ZC3H18: variants seen among roughly 807,000 people sequenced by gnomAD.
ZC3H18 encodes zinc finger CCCH domain-containing protein 18.
A neutral mutation model predicts 106.1 loss-of-function variants in ZC3H18; 8 were observed. The ratio of observed to expected loss-of-function variants is 0.08; its 90% CI spans 0.04 to 0.14. The LOEUF is 0.14. Ranked by LOEUF, ZC3H18 falls within the 10% of genes least tolerant of loss-of-function variation. ZC3H18 has a pLI of 1.00. For synonymous variants in ZC3H18, 635 were observed against 522.1 expected (o/e 1.22, Z -2.95); for missense variants, 1,318 against 1,278.4 (o/e 1.03, Z -0.47).
At position 88,630,646 on chromosome 16, in the gene ZC3H18, G is replaced by A. The variant is rs1906607168; in HGVS notation, c.2663+65G>A. The stretch of plus-strand genomic sequence containing the variant: ...GGCCAGCCCCAGTCGCTTCCCCAGG[G>A]AGGCCAGCAGCAGCAGGGCTAGCAC... On this transcript the variant is annotated intron_variant, in intron 17 of 17. Coordinates refer to ENST00000301011, the MANE Select transcript of ZC3H18 (RefSeq NM_144604.4). 17 of 1,419,104 alleles carry A rather than the reference G, an allele frequency of 1.2e-5. No homozygotes were observed. The South Asian group carries it at 2.1e-4, about 17-fold the overall frequency. 87.9% of individuals were successfully genotyped at this position (1,419,104 alleles called of 1,614,324 possible).
chr16:88,610,749 G>A (rs764573658), intron 7 of ZC3H18, among the ~76,000 whole-genome samples: 1 of 152,256 alleles, frequency 6.6e-6, no homozygotes, highest in Non-Finnish European at 1.5e-5. Flanking sequence ...TCTTTTGGGT[G>A]CCTGCTCTGC....
intron 2 of ZC3H18, 52 bp downstream of exon 2, chr16:88,577,778 A>G (rs573273523): frequency 1.2e-4 from 196 of 1,611,194 alleles, no homozygotes; most frequent in Middle Eastern, 8.8e-4. Context: ...GCAGCCTGAC[A>G]TAGACTGGTG....
At chr16:88,602,613 TGTAA>T (rs1904805327) in intron 6 of ZC3H18, among the ~76,000 whole-genome samples, 1 of 152,238 alleles carries the variant, frequency 6.6e-6, no homozygotes, top group Non-Finnish European at 1.5e-5. Context: ...AACCATTGAT[TGTAA>T]GTAATTCCAG....
At chr16:88,589,664 C>T (rs996198189) in intron 3 of ZC3H18, among the ~76,000 whole-genome samples, 4 of 151,710 alleles carry the variant, frequency 2.6e-5, no homozygotes, top group African/African-American at 9.7e-5. Flanking sequence ...GGCCACAGAT[C>T]CACAGAGACA....
intron 3 of ZC3H18, 47 bp downstream of exon 3, chr16:88,586,731 CCTT>C: frequency 6.6e-7 from 1 of 1,506,470 alleles, no homozygotes; most frequent in South Asian, 1.1e-5. Flanking sequence ...TGGGGCCCCA[CCTT>C]CTGGGGCTGT....
intron 3 of ZC3H18, among the ~76,000 whole-genome samples, chr16:88,587,028 G>A (rs528762600): frequency 4.3e-4 from 65 of 152,300 alleles, no homozygotes; most frequent in Middle Eastern, 6.8e-3. Flanking sequence ...TCATAAGGCC[G>A]AATGTTCTAG....
In ZC3H18 at chr16:88,631,174, G is replaced by A. The variant is rs115879573; in HGVS notation, c.2737G>A (p.Gly913Ser). The A allele has an allele frequency of 2.8e-4, 449 of 1,613,594 alleles. No homozygotes were observed. The East Asian group carries it at 7.0e-3, about 25-fold the overall frequency. Residue 913 changes from glycine to serine, a missense_variant, in exon 18 of 18, where the codon GGC becomes AGC. Gly to Ser is a moderately conservative substitution (Grantham distance 56). This residue lies in a region of ZC3H18 where 848 missense variants were observed against 821.7 expected (regional missense o/e 1.03). Transcript: ENST00000301011. The part of the protein sequence containing the change: ...TSVPGKASDP[G>S]AASTKSGKAS... ...CGTGCCCGGCAAAGCCTCGGATCCC[G>A]GCGCCGCCAGCACCAAATCAGGGAA...
chr16:88,599,766 G>A, intron 5 of ZC3H18, 25 bp from the exon 6 acceptor site: 1 of 1,598,778 alleles, frequency 6.3e-7, no homozygotes. Flanking sequence ...GTTCCATGTT[G>A]ACTTCTTTCT....
intron 3 of ZC3H18, among the ~76,000 whole-genome samples, chr16:88,590,246 A>G (rs1915664423): frequency 6.6e-6 from 1 of 152,152 alleles, no homozygotes; most frequent in Non-Finnish European, 1.5e-5. Flanking sequence ...GCCACTGCTC[A>G]GGCCTCTCTT....
chr16:88,625,597 C>A (rs1597360073), intron 13 of ZC3H18: 1 of 352,028 alleles, frequency 2.8e-6, no homozygotes, highest in Non-Finnish European at 5.3e-6. Context: ...CGGCAGCTTC[C>A]AGCCCAGCAG....
At chr16:88,623,743 C>T (rs1382410892) in intron 10 of ZC3H18, 16 of 841,744 alleles carry the variant, frequency 1.9e-5, no homozygotes, top group Non-Finnish European at 2.6e-5. Flanking sequence ...TCCCGGAGGA[C>T]CCGCCAGTGG....
At chr16:88,621,748 C>T (rs750728683) in intron 8 of ZC3H18, among the ~76,000 whole-genome samples, 3 of 152,226 alleles carry the variant, frequency 2.0e-5, no homozygotes, top group Non-Finnish European at 2.9e-5. Flanking sequence ...GCCTCGTCCT[C>T]GCAAAGTGCT....
intron 6 of ZC3H18, chr16:88,608,694 CA>C (rs969100634): frequency 3.6e-5 from 10 of 279,150 alleles, no homozygotes; most frequent in Non-Finnish European, 6.8e-5. Flanking sequence ...TATTTTTTAT[CA>C]AAAAGGCTAT....
chr16:88,591,882 T>C (rs1275405862), intron 3 of ZC3H18, among the ~76,000 whole-genome samples: 3 of 152,268 alleles, frequency 2.0e-5, no homozygotes, highest in Admixed American at 2.0e-4. Context: ...GTGGAGTTGC[T>C]GATGACCTGG....
rs1906386275 is a variant in ZC3H18 at position 88,627,529 on chromosome 16, T to C, written c.2109-93T>C. The C allele has an allele frequency of 6.0e-6, 9 of 1,492,818 alleles. No individual in the cohort carries two copies. Among genetic ancestry groups the C allele is most frequent in the Non-Finnish European group, 8.1e-6 (9 of 1,109,178 alleles). The allele number at this position is 1,492,818 out of a possible 1,614,324, so 92.5% of individuals were successfully genotyped here. A position where few individuals can be genotyped will look rare whatever the true frequency, so the allele number is the denominator to read the frequency against. ...ATTCCGTGGGTACATGATCCATAAA[T>C]GGACACTGCGTAAAAGTGGACCATG... On this transcript the variant is annotated intron_variant, in intron 13 of 17. Transcript: ENST00000301011. This position sits in a 1 kb window ranked among gnomAD's most constrained non-coding sequence, Gnocchi z 4.5.
At chr16:88,624,134 C>A (rs1007411656) in intron 11 of ZC3H18, 72 bp downstream of exon 11, 1 of 1,572,720 alleles carries the variant, frequency 6.4e-7, no homozygotes, top group Non-Finnish European at 8.6e-7. Flanking sequence ...CCCTCCGTCT[C>A]TATCTCTCAT....
intron 12 of ZC3H18, 77 bp downstream of exon 12, chr16:88,624,822 C>G (rs1326679597): frequency 4.7e-6 from 7 of 1,501,398 alleles, no homozygotes; most frequent in Non-Finnish European, 6.2e-6. Context: ...TGCTGGAAAT[C>G]CAGAGTGCCA....
intron 2 of ZC3H18, among the ~76,000 whole-genome samples, chr16:88,582,524 A>G (rs1264701058): frequency 6.6e-6 from 1 of 152,240 alleles, no homozygotes; most frequent in East Asian, 1.9e-4. Flanking sequence ...AGCGAGCCTC[A>G]TGGCTGTGGG....
chr16:88,591,080 C>T (rs1413958872), intron 3 of ZC3H18, among the ~76,000 whole-genome samples: 1 of 151,798 alleles, frequency 6.6e-6, no homozygotes, highest in Non-Finnish European at 1.5e-5. Flanking sequence ...ACGCCATTCT[C>T]CTGCCTCAGC....
Sources: gnomAD v4.1 joint callset for allele counts (sites outside exome capture counted in the v4.1 genomes callset) on GRCh38, gnomAD v4.1.1 for gene constraint, gnomAD v4.1.1 regional missense constraint, Gnocchi (gnomAD v3.1) non-coding constraint, MANE v1.5 for transcripts, NCBI Gene and HGNC (gene_info 2026-07-23, HGNC 2026-07-21) for gene names.